SLC16A10: variants seen among roughly 807,000 people sequenced by gnomAD.
The protein encoded by SLC16A10 is monocarboxylate transporter 10.
A neutral mutation model predicts 40.0 loss-of-function variants in SLC16A10; 27 were observed. The ratio of observed to expected loss-of-function variants is 0.67; its 90% CI spans 0.50 to 0.93. The LOEUF (loss-of-function observed/expected upper bound fraction) is 0.93. Among genes scored for constraint, SLC16A10 ranks in the 40% least tolerant of loss-of-function variants. The pLI is 0.00. For synonymous variants in SLC16A10, 213 were observed against 249.8 expected (o/e 0.85, Z 1.39); for missense variants, 529 against 658.2 (o/e 0.80, Z 2.15).
At chr6:111,096,570 A>G (rs938570474) in intron 1 of SLC16A10, among the ~76,000 whole-genome samples, 11 of 152,254 alleles carry the variant, frequency 7.2e-5, no homozygotes, top group Non-Finnish European at 1.5e-4. Context: ...CCAAATGTGT[A>G]TGATCATACC....
chr6:111,174,069 G>GT (rs1772634840), intron 2 of SLC16A10, among the ~76,000 whole-genome samples: 1 of 152,144 alleles, frequency 6.6e-6, no homozygotes, highest in Non-Finnish European at 1.5e-5. Context: ...AGTTCTCCTT[G>GT]TAAGTCCCTT....
chr6:111,167,621 G>GTTATTTATTTATTTAT (rs58079056), intron 1 of SLC16A10, among the ~76,000 whole-genome samples: 29 of 149,596 alleles, frequency 1.9e-4, no homozygotes, highest in African/African-American at 6.9e-4. Context: ...GGGCTCGATT[G>GTTATTTATTTATTTAT]TTATTTATTT....
intron 5 of SLC16A10, 42 bp downstream of exon 5, chr6:111,219,084 A>G: frequency 6.5e-7 from 1 of 1,534,642 alleles, no homozygotes; most frequent in Non-Finnish European, 9.0e-7. Context: ...AATTCATAGT[A>G]TTTTCTACTT....
chr6:111,165,991 T>C (rs1772466019), intron 1 of SLC16A10, among the ~76,000 whole-genome samples: 1 of 152,116 alleles, frequency 6.6e-6, no homozygotes, highest in African/African-American at 2.4e-5. Flanking sequence ...TGTAGCAAAG[T>C]CTGTAACTGA....
intron 1 of SLC16A10, among the ~76,000 whole-genome samples, chr6:111,106,889 T>A (rs1360797251): frequency 1.3e-5 from 2 of 152,198 alleles, no homozygotes; most frequent in Non-Finnish European, 2.9e-5. Context: ...TTCCTCTAGC[T>A]GGGGATTAAC....
intron 1 of SLC16A10, among the ~76,000 whole-genome samples, chr6:111,129,878 AG>A (rs1352712899): frequency 3.3e-5 from 5 of 152,260 alleles, no homozygotes; most frequent in African/African-American, 4.8e-5. Context: ...TCATAAAATA[AG>A]TAAAATTCAA....
Position 111,140,113 on chromosome 6 carries a change from T to A in SLC16A10, c.344-32582T>A, listed in dbSNP as rs951595655. Among the ~76,000 whole-genome samples the A allele has an allele frequency of 2.0e-5, 3 of 152,132 alleles. No homozygotes were observed. The South Asian group carries it at 6.2e-4, about 31-fold the overall frequency. Reference sequence around the variant, plus strand: ...GTACAACAAACCCCTGTGACACATGTTTATCTATGTAACAAACCTTCACAT... The same window carrying A: ...GTACAACAAACCCCTGTGACACATGATTATCTATGTAACAAACCTTCACAT... On this transcript the variant is annotated intron_variant, in intron 1 of 5. Transcript: ENST00000368851.
At chr6:111,099,978 C>T (rs1325541525) in intron 1 of SLC16A10, among the ~76,000 whole-genome samples, 1 of 149,326 alleles carries the variant, frequency 6.7e-6, no homozygotes, top group Admixed American at 6.7e-5. Flanking sequence ...GCCAAGATTG[C>T]TCCACTGCCC....
intron 3 of SLC16A10, among the ~76,000 whole-genome samples, chr6:111,198,488 C>T (rs1334403148): frequency 1.3e-5 from 2 of 152,074 alleles, no homozygotes; most frequent in South Asian, 2.1e-4. Context: ...CTTAGACAAC[C>T]CTACATGGTG....
intron 1 of SLC16A10, among the ~76,000 whole-genome samples, chr6:111,128,003 A>G (rs1384268812): frequency 6.6e-6 from 1 of 152,132 alleles, no homozygotes; most frequent in Non-Finnish European, 1.5e-5. Flanking sequence ...TCCAGGCCCA[A>G]TCCAAGATTA....
intron 1 of SLC16A10, among the ~76,000 whole-genome samples, chr6:111,126,033 G>A (rs1771668712): frequency 6.6e-6 from 1 of 151,828 alleles, no homozygotes; most frequent in South Asian, 2.1e-4. Context: ...TTCAAACACA[G>A]GCACATGCAT....
At chr6:111,117,241 A>G (rs1019998721) in intron 1 of SLC16A10, among the ~76,000 whole-genome samples, 4 of 151,492 alleles carry the variant, frequency 2.6e-5, no homozygotes, top group African/African-American at 4.9e-5. Flanking sequence ...AGTCCCAGCT[A>G]CTTGGGAGGC....
In SLC16A10 at chr6:111,131,404, A is replaced by G. The variant is rs184143770; in HGVS notation, c.344-41291A>G. ...GGCCAAGAACCCCAGGTCAGAGAAG[A>G]AGAGGCTTGCCGCCATCTTGGAAGC... On this transcript the variant is annotated intron_variant, in intron 1 of 5. Coordinates refer to ENST00000368851, the MANE Select transcript of SLC16A10 (RefSeq NM_018593.5). Among the ~76,000 whole-genome samples, 18 of 152,316 alleles carry G rather than the reference A, an allele frequency of 1.2e-4. No individual in the cohort carries two copies. The East Asian group carries it at 3.1e-3, about 26-fold the overall frequency.
At chr6:111,140,540 A>G (rs1771964111) in intron 1 of SLC16A10, among the ~76,000 whole-genome samples, 1 of 152,080 alleles carries the variant, frequency 6.6e-6, no homozygotes, top group Non-Finnish European at 1.5e-5. Context: ...TAATGAAGTC[A>G]TCACTAACCC....
chr6:111,126,723 G>A (rs1275556034), intron 1 of SLC16A10, among the ~76,000 whole-genome samples: 1 of 152,116 alleles, frequency 6.6e-6, no homozygotes, highest in African/African-American at 2.4e-5. Flanking sequence ...TATTACAAAT[G>A]AAGAACTCTG....
intron 1 of SLC16A10, among the ~76,000 whole-genome samples, chr6:111,095,360 C>T (rs752252295): frequency 3.3e-5 from 5 of 152,152 alleles, no homozygotes; most frequent in Admixed American, 3.3e-4. Flanking sequence ...TGATTTTATG[C>T]AATTGTTATG....
chr6:111,142,429 C>T (rs2114504465), intron 1 of SLC16A10, among the ~76,000 whole-genome samples: 1 of 152,212 alleles, frequency 6.6e-6, no homozygotes, highest in South Asian at 2.1e-4. Flanking sequence ...CTGTGAAAGA[C>T]AATGTCAAGA....
intron 1 of SLC16A10, among the ~76,000 whole-genome samples, chr6:111,143,991 T>C (rs1050270411): frequency 9.2e-5 from 14 of 152,088 alleles, no homozygotes; most frequent in Admixed American, 6.6e-4. Flanking sequence ...CTTTGGATTA[T>C]AATGATGTTT....
chr6:111,130,914 A>C (rs901544242), intron 1 of SLC16A10, among the ~76,000 whole-genome samples: 1 of 152,202 alleles, frequency 6.6e-6, no homozygotes, highest in Admixed American at 6.5e-5. Flanking sequence ...TCTGTGCCTT[A>C]ATTTTCTTAG....
Sources: gnomAD v4.1 joint callset for allele counts (sites outside exome capture counted in the v4.1 genomes callset) on GRCh38, gnomAD v4.1.1 for gene constraint, MANE v1.5 for transcripts, NCBI Gene and HGNC (gene_info 2026-07-23, HGNC 2026-07-21) for gene names.